PCBP3: variants seen among roughly 807,000 people sequenced by gnomAD.
The protein encoded by PCBP3 is poly(rC) binding protein 3.
PCBP3 carries 25 observed loss-of-function variants against 52.7 expected under a neutral mutation model. That is an observed-to-expected ratio of 0.47 (90% confidence interval 0.35 to 0.66). The LOEUF (loss-of-function observed/expected upper bound fraction) is 0.66, where lower values mean the gene tolerates loss of function less well. Ranked by LOEUF, PCBP3 falls within the 30% of genes least tolerant of loss-of-function variation. The pLI, the probability that PCBP3 is intolerant of heterozygous loss-of-function variation, is 0.01. For synonymous variants in PCBP3, 162 were observed against 183.0 expected, an observed-to-expected ratio of 0.89 and a Z score of 0.93; for missense variants, 391 against 490.3, an observed-to-expected ratio of 0.80 and a Z score of 1.91.
chr21:45,823,454 C>T (rs1043384984), intron 4 of PCBP3, among the ~76,000 whole-genome samples: 1 of 152,212 alleles, frequency 6.6e-6, no homozygotes, highest in Non-Finnish European at 1.5e-5. Flanking sequence ...CTTGACCTCC[C>T]ACCCCAGGCG....
chr21:45,855,747 C>T (rs892910248), intron 5 of PCBP3, among the ~76,000 whole-genome samples: 1 of 152,252 alleles, frequency 6.6e-6, no homozygotes, highest in Admixed American at 6.5e-5. Context: ...GGCCTGAGGG[C>T]CGGACCCCAC....
At chr21:45,840,627 G>A (rs534180531) in intron 4 of PCBP3, among the ~76,000 whole-genome samples, 16 of 152,202 alleles carry the variant, frequency 1.1e-4, no homozygotes, top group East Asian at 7.7e-4. Context: ...ACTCACCAGA[G>A]CAACTTCCAG....
intron 1 of PCBP3, among the ~76,000 whole-genome samples, chr21:45,650,365 A>G (rs1159590503): frequency 6.6e-6 from 1 of 152,174 alleles, no homozygotes; most frequent in Non-Finnish European, 1.5e-5. Context: ...ATATATTCAT[A>G]AGAGGTGTTG....
At chr21:45,909,560 A>T in intron 10 of PCBP3, 74 bp downstream of exon 10, 1 of 1,436,060 alleles carries the variant, frequency 7.0e-7, no homozygotes, top group Non-Finnish European at 9.5e-7. Context: ...CAGGCCAGGC[A>T]GCCTTCCTGA....
chr21:45,708,309 G>A (rs893755021), intron 2 of PCBP3, among the ~76,000 whole-genome samples: 6 of 152,150 alleles, frequency 3.9e-5, no homozygotes, highest in Admixed American at 2.6e-4. Flanking sequence ...ATGGGAGGAG[G>A]TGTGGCAGGA....
chr21:45,830,297 G>T lies in PCBP3; in HGVS notation c.-125-19664G>T. On this transcript the variant is annotated intron_variant, in intron 4 of 17. Coordinates refer to ENST00000681687, the MANE Select transcript of PCBP3 (RefSeq NM_001384156.1). The surrounding 1 kb of genome is among the most constrained non-coding windows in gnomAD (Gnocchi z 4.4). ...CCCCACCAACGGCACTGGCTCTGCA[G>T]GGAGCCCCTCTTTCCTGCACAGTGC... 6.5e-6 allele frequency: 1 copy of T among 153,336 alleles called. No individual in the cohort carries two copies. 9.5% of individuals were successfully genotyped at this position (153,336 alleles called of 1,614,324 possible).
chr21:45,876,177 C>T (rs1051276935), intron 5 of PCBP3, among the ~76,000 whole-genome samples: 6 of 152,228 alleles, frequency 3.9e-5, no homozygotes, highest in East Asian at 3.8e-4. Context: ...GGCGAGTCCA[C>T]GTGCATCCAT....
In PCBP3 at chr21:45,909,465, C is replaced by T. The variant is rs771097099; in HGVS notation, c.450C>T (p.Ser150=). Reference sequence around the variant, plus strand: ...GGTCCCTGATCGGCAAAGGAGGCTCCAAGATCAAGGAGATCAGGGAGGTAA... The same window carrying T: ...GGTCCCTGATCGGCAAAGGAGGCTCTAAGATCAAGGAGATCAGGGAGGTAA... The part of the protein sequence containing the change: ...QCGSLIGKGG[S]KIKEIRESTG... The change falls in exon 10 of 18, where the codon TCC becomes TCT. Residue 150 remains serine (S), a synonymous_variant. Transcript: ENST00000681687. 1.2e-6 allele frequency: 2 copies of T among 1,613,256 alleles called. No homozygotes were observed. Among genetic ancestry groups the T allele is most frequent in the Non-Finnish European group, 1.7e-6 (2 of 1,179,720 alleles).
Position 45,850,016 on chromosome 21 carries a change from T to G in PCBP3, c.-70T>G, listed in dbSNP as rs1454968403. 1 of 1,401,378 alleles carries G rather than the reference T, an allele frequency of 7.1e-7. No homozygotes were observed. The highest frequency in any genetic ancestry group is 9.9e-7 in the Non-Finnish European group (1 of 1,009,944). The allele number at this position is 1,401,378 out of a possible 1,614,324, so 86.8% of individuals were successfully genotyped here. On this transcript the variant is annotated 5_prime_UTR_variant, in exon 5 of 18. An upstream start codon of the reference 5' UTR is lost. Coordinates refer to ENST00000681687, the MANE Select transcript of PCBP3 (RefSeq NM_001384156.1). Reference sequence around the variant, plus strand: ...TTCTGTAAATCACCTGCTGTGGTTATGATGCTCTGAGTTCAATACGTCTGA... The same window carrying G: ...TTCTGTAAATCACCTGCTGTGGTTAGGATGCTCTGAGTTCAATACGTCTGA...
At chr21:45,896,172 C>T in intron 5 of PCBP3, 36 bp from the exon 6 acceptor site, 1 of 1,547,694 alleles carries the variant, frequency 6.5e-7, no homozygotes, top group Non-Finnish European at 8.7e-7. Flanking sequence ...GTCCGTGAGA[C>T]TCTTCTCTAG....
chr21:45,811,426 A>G (rs2147048091), intron 4 of PCBP3, among the ~76,000 whole-genome samples: 1 of 152,236 alleles, frequency 6.6e-6, no homozygotes, highest in East Asian at 1.9e-4. Flanking sequence ...CCCAGTTTGG[A>G]AAGATTCTCC....
intron 16 of PCBP3, among the ~76,000 whole-genome samples, chr21:45,937,887 G>C (rs2077046890): frequency 6.6e-6 from 1 of 152,260 alleles, no homozygotes; most frequent in Non-Finnish European, 1.5e-5. Flanking sequence ...CTTGGCATTT[G>C]TGGTTAGGCG....
chr21:45,813,566 T>C (rs2092742887), intron 4 of PCBP3, among the ~76,000 whole-genome samples: 1 of 152,230 alleles, frequency 6.6e-6, no homozygotes, highest in Admixed American at 6.5e-5. Flanking sequence ...CTCAGCCTCC[T>C]GAGGAGCTGG....
chr21:45,732,315 A>G (rs1281147421), intron 2 of PCBP3, among the ~76,000 whole-genome samples: 1 of 152,028 alleles, frequency 6.6e-6, no homozygotes, highest in Non-Finnish European at 1.5e-5. Flanking sequence ...TGTATATCTA[A>G]GGTACACAAT....
chr21:45,771,574 A>G (rs2089867410), intron 4 of PCBP3, among the ~76,000 whole-genome samples: 1 of 152,246 alleles, frequency 6.6e-6, no homozygotes, highest in Non-Finnish European at 1.5e-5. Context: ...CTCCTTTCAG[A>G]TACAAACGTT....
At position 45,930,779 on chromosome 21, in the gene PCBP3, T is replaced by G. The variant is rs1345083285; in HGVS notation, c.797-7T>G. On this transcript the variant is annotated splice_region_variant and splice_polypyrimidine_tract_variant and intron_variant, in intron 14 of 17. Transcript: ENST00000681687. ...AACATTAAACCTGTCTCTTCTTTGC[T>G]CTCCAGGAGAAAAGCTGCCTTTACA... The G allele has an allele frequency of 2.5e-6, 3 of 1,197,706 alleles. No individual in the cohort carries two copies. In the Admixed American group the frequency reaches 5.0e-5, roughly 20 times the overall value. 74.2% of individuals were successfully genotyped at this position (1,197,706 alleles called of 1,614,324 possible). A position where few individuals can be genotyped will look rare whatever the true frequency, so the allele number is the denominator to read the frequency against.
At chr21:45,781,863 A>T (rs1288505310) in intron 4 of PCBP3, among the ~76,000 whole-genome samples, 1 of 152,230 alleles carries the variant, frequency 6.6e-6, no homozygotes, top group African/African-American at 2.4e-5. Flanking sequence ...TTACCTGGCA[A>T]CCACTCACTT....
chr21:45,922,876 A>G (rs571201710), intron 13 of PCBP3, among the ~76,000 whole-genome samples: 1 of 152,338 alleles, frequency 6.6e-6, no homozygotes, highest in South Asian at 2.1e-4. Flanking sequence ...GCTGGACGTG[A>G]GTGGCAGATG....
In PCBP3 at chr21:45,827,185, A is replaced by G. The variant is rs975510477; in HGVS notation, c.-125-22776A>G. 6.6e-6 allele frequency among the ~76,000 whole-genome samples: 1 copy of G among 152,162 alleles called. No individual in the cohort carries two copies. Among genetic ancestry groups the G allele is most frequent in the African/African-American group, 2.4e-5 (1 of 41,446 alleles). On this transcript the variant is annotated intron_variant, in intron 4 of 17. Coordinates refer to ENST00000681687, the MANE Select transcript of PCBP3 (RefSeq NM_001384156.1). This position sits in a 1 kb window ranked among gnomAD's most constrained non-coding sequence, Gnocchi z 4.3. ...CCATTTGGGCATCAGCTGAGGGACA[A>G]GGAGCCCTTCCCATCTGGGCATCAG... is the stretch of plus-strand genomic sequence containing the variant.
Sources: allele counts gnomAD v4.1 joint callset (sites outside exome capture counted in the v4.1 genomes callset), GRCh38; gene constraint gnomAD v4.1.1; non-coding constraint Gnocchi (gnomAD v3.1); transcripts MANE v1.5; gene names NCBI Gene and HGNC (gene_info 2026-07-23, HGNC 2026-07-21).